Variants in CHRDL2 observed in about 807,000 individuals in gnomAD.
The protein encoded by CHRDL2 is chordin like 2.
A neutral mutation model predicts 54.3 loss-of-function variants in CHRDL2; 41 were observed. The ratio of observed to expected loss-of-function variants is 0.76; its 90% CI spans 0.59 to 0.98. The LOEUF is 0.98. Ranked by LOEUF, CHRDL2 falls within the 50% of genes least tolerant of loss-of-function variation. The pLI, the probability that CHRDL2 is intolerant of heterozygous loss-of-function variation, is 0.00. For missense variants in CHRDL2, 518 were observed against 562.4 expected (o/e 0.92, Z 0.80); for synonymous variants, 220 against 224.3 (o/e 0.98, Z 0.17).
chr11:74,726,762 G>A (rs1160353839), intron 1 of CHRDL2, among the ~76,000 whole-genome samples: 1 of 152,184 alleles, frequency 6.6e-6, no homozygotes, highest in Admixed American at 6.5e-5. Flanking sequence ...CTCTGCTGGT[G>A]GGAGAGGAGA....
intron 2 of CHRDL2, among the ~76,000 whole-genome samples, chr11:74,713,987 C>T (rs546939584): frequency 6.6e-6 from 1 of 152,060 alleles, no homozygotes; most frequent in South Asian, 2.1e-4. Context: ...CTGGACAAAG[C>T]CTTTGGAGTT....
intron 2 of CHRDL2, among the ~76,000 whole-genome samples, chr11:74,715,518 G>T (rs1010555894): frequency 6.6e-5 from 10 of 151,366 alleles, no homozygotes; most frequent in Non-Finnish European, 1.3e-4. Flanking sequence ...CAGAAGTATT[G>T]CTTGAACCTG....
intron 1 of CHRDL2, among the ~76,000 whole-genome samples, chr11:74,726,952 G>A (rs763150838): frequency 3.9e-5 from 6 of 152,150 alleles, no homozygotes; most frequent in Non-Finnish European, 7.4e-5. Context: ...CACTGCCCCA[G>A]GCCATCCAGG....
rs559010088 is a variant in CHRDL2 at position 74,703,523 on chromosome 11, A to G, written c.752-24T>C. ...GGCTGAATAAGGAGGGTGAGAAGGA[A>G]GGAGGATCAGGGCCTCAGACCTGGC... is the stretch of plus-strand genomic sequence containing the variant. On this transcript the variant is annotated intron_variant, in intron 7 of 10. Transcript: ENST00000376332. 2.0e-5 allele frequency: 31 copies of G among 1,536,932 alleles called. No individual in the cohort carries two copies. In the Admixed American group the frequency reaches 5.4e-4, roughly 27 times the overall value.
At chr11:74,721,923 T>G (rs1029426387) in intron 1 of CHRDL2, among the ~76,000 whole-genome samples, 19 of 152,252 alleles carry the variant, frequency 1.2e-4, no homozygotes, top group African/African-American at 4.6e-4. Flanking sequence ...GAGAATTCCA[T>G]GTTTCTAAGA....
intron 3 of CHRDL2, among the ~76,000 whole-genome samples, chr11:74,711,713 G>A (rs1275405284): frequency 1.3e-5 from 2 of 152,028 alleles, no homozygotes; most frequent in African/African-American, 2.4e-5. Context: ...GGTGGCTCAC[G>A]CCTATAATCC....
rs1345252301 is a variant in CHRDL2 at position 74,713,461 on chromosome 11, A to G, written c.214T>C (p.Tyr72His). 2 of 1,614,028 alleles carry G rather than the reference A, an allele frequency of 1.2e-6. No homozygotes were observed. Among genetic ancestry groups the G allele is most frequent in the Non-Finnish European group, 1.7e-6 (2 of 1,180,008 alleles). ...TCSEGAHVSC[Y>H]RLHCPPVHCP... ...TGGACAGGCGGACAGTGGAGGCGGT[A>G]ACAACTCACATGGGCGCCCTGAAGG... The change falls in exon 3 of 11, where the codon TAC becomes CAC. Residue 72 changes from tyrosine (Y) to histidine (H), a missense_variant. Physicochemically the swap from Tyr to His is moderately conservative, Grantham distance 83. Transcript: ENST00000376332.
At chr11:74,702,036 T>A (rs1314134548) in intron 9 of CHRDL2, among the ~76,000 whole-genome samples, 1 of 152,096 alleles carries the variant, frequency 6.6e-6, no homozygotes, top group Non-Finnish European at 1.5e-5. Context: ...GGAGGATTGC[T>A]TGAGTCCAGG....
At position 74,730,880 on chromosome 11, in the gene CHRDL2, G is replaced by A. The variant is rs2034642734; in HGVS notation, c.9C>T (p.Pro3=). The stretch of plus-strand genomic sequence containing the variant: ...GCAAGGAGGAGAGGACCCTCACCTC[G>A]GGAACCATCCTTTCCCCAGGGTCAG... MV[P]EVRVLSSLLG... The change falls in exon 1 of 11, where the codon CCC becomes CCT. Residue 3 remains proline, a synonymous_variant. Coordinates refer to ENST00000376332, the MANE Select transcript of CHRDL2 (RefSeq NM_001278473.3). 6.2e-7 allele frequency: 1 copy of A among 1,610,064 alleles called. No homozygotes were observed. Among genetic ancestry groups the A allele is most frequent in the Non-Finnish European group, 8.5e-7 (1 of 1,178,500 alleles).
At chr11:74,724,308 C>G (rs1424507225) in intron 1 of CHRDL2, among the ~76,000 whole-genome samples, 1 of 152,266 alleles carries the variant, frequency 6.6e-6, no homozygotes, top group African/African-American at 2.4e-5. Flanking sequence ...TAGACACTAG[C>G]TCCCTTTCCC....
intron 6 of CHRDL2, among the ~76,000 whole-genome samples, chr11:74,704,921 G>A (rs2033958425): frequency 6.6e-6 from 1 of 152,172 alleles, no homozygotes. Context: ...AGAGCCAGGG[G>A]CCTTGGGGTT....
intron 1 of CHRDL2, 56 bp downstream of exon 1, chr11:74,730,751 T>A: frequency 1.3e-6 from 2 of 1,501,054 alleles, no homozygotes; most frequent in Non-Finnish European, 9.1e-7. Flanking sequence ...GCGCTGTCCC[T>A]CACATTCCAG....
chr11:74,701,518 G>C lies in CHRDL2; in HGVS notation c.1120+1276C>G. 4.3e-6 allele frequency: 3 copies of C among 696,102 alleles called. No homozygotes were observed. The South Asian group carries it at 4.6e-5, about 11-fold the overall frequency. The allele number at this position is 696,102 out of a possible 1,614,324, so 43.1% of individuals were successfully genotyped here. ...CTTCGTCCATTCCTCCTACGACAGG[G>C]GGCAGAGTAGAGCAGGGAAAGAGCC... On this transcript the variant is annotated intron_variant, in intron 9 of 10. Transcript: ENST00000376332.
In CHRDL2 at chr11:74,704,633, A is replaced by G. The variant is rs1157898160; in HGVS notation, c.604T>C (p.Ser202Pro). 6.2e-7 allele frequency: 1 copy of G among 1,605,892 alleles called. No homozygotes were observed. The highest frequency in any genetic ancestry group is 8.5e-7 in the Non-Finnish European group (1 of 1,176,434). ...HGVRHPQDPCSSDAGRKRGPG... is the reference protein window; with the variant it reads ...HGVRHPQDPCPSDAGRKRGPG... ...CCTCTCTTTCTCCCAGCATCACTGGAACATGGATCCTGAGGATGTCTCTGC... is the reference window on the plus strand; with the variant it reads ...CCTCTCTTTCTCCCAGCATCACTGGGACATGGATCCTGAGGATGTCTCTGC... The change falls in exon 7 of 11, where the codon TCC becomes CCC. Residue 202 changes from serine (S) to proline (P), a missense_variant. Coordinates refer to ENST00000376332, the MANE Select transcript of CHRDL2 (RefSeq NM_001278473.3).
chr11:74,705,420 G>A, intron 6 of CHRDL2, among the ~76,000 whole-genome samples: 1 of 152,156 alleles, frequency 6.6e-6, no homozygotes, highest in East Asian at 1.9e-4. Context: ...GCCCATTCCT[G>A]CCTGGTACAG....
intron 2 of CHRDL2, among the ~76,000 whole-genome samples, chr11:74,713,942 T>A (rs1333648144): frequency 6.6e-6 from 1 of 152,156 alleles, no homozygotes; most frequent in Admixed American, 6.5e-5. Context: ...GGCTTTATGA[T>A]CCACCCCCTA....
intron 1 of CHRDL2, among the ~76,000 whole-genome samples, 162 bp downstream of exon 1, chr11:74,730,645 G>T (rs1008152302): frequency 6.6e-6 from 1 of 152,138 alleles, no homozygotes; most frequent in African/African-American, 2.4e-5. Context: ...GAGTTCCTCC[G>T]GTCCCCCGGC....
chr11:74,717,038 G>C (rs1197600480), intron 2 of CHRDL2, among the ~76,000 whole-genome samples: 1 of 152,284 alleles, frequency 6.6e-6, no homozygotes, highest in Admixed American at 6.5e-5. Flanking sequence ...AGGCTGCAGT[G>C]AGCTGAGATC....
intron 1 of CHRDL2, among the ~76,000 whole-genome samples, chr11:74,725,509 C>A (rs371913855): frequency 1.3e-4 from 20 of 152,210 alleles, no homozygotes; most frequent in East Asian, 1.2e-3. Context: ...ATGAGTGATT[C>A]CATGATCTTC....
Sources: allele counts gnomAD v4.1 joint callset (sites outside exome capture counted in the v4.1 genomes callset), GRCh38; gene constraint gnomAD v4.1.1; transcripts MANE v1.5; gene names NCBI Gene and HGNC (gene_info 2026-07-23, HGNC 2026-07-21).